KCNIP4: variants seen among roughly 807,000 people sequenced by gnomAD.
KCNIP4 encodes Kv channel-interacting protein 4.
KCNIP4 carries 12 observed loss-of-function variants against 34.0 expected under a neutral mutation model. The observed-to-expected ratio is 0.35, with a 90% CI of 0.23 to 0.57. The LOEUF is 0.57. Among genes scored for constraint, KCNIP4 ranks in the 20% least tolerant of loss-of-function variants. KCNIP4 has a pLI of 0.83. For synonymous variants in KCNIP4, 124 were observed against 102.2 expected (o/e 1.21, Z -1.29); for missense variants, 238 against 311.7 (o/e 0.76, Z 1.78).
In KCNIP4 at chr4:21,041,230, TCACACACACACA is replaced by T. The variant is rs57664737; in HGVS notation, c.62-158533_62-158522del. ...TGGCTCTCAGTGAATGATATATATT[TCACACACACACA>T]CACACACACACACACACACACACGC... On this transcript the variant is annotated intron_variant, in intron 1 of 8. Transcript: ENST00000382152. Among the ~76,000 whole-genome samples, 9 of 144,650 alleles carry T rather than the reference TCACACACACACA, an allele frequency of 6.2e-5. 1 individual carries two copies. In the South Asian group the frequency reaches 6.7e-4, roughly 11 times the overall value. The allele number at this position is 144,650 out of a possible 152,430, so 94.9% of individuals were successfully genotyped here.
At chr4:21,447,697 C>A (rs1728151219) in intron 1 of KCNIP4, among the ~76,000 whole-genome samples, 1 of 152,070 alleles carries the variant, frequency 6.6e-6, no homozygotes, top group Non-Finnish European at 1.5e-5. Flanking sequence ...ACACTGTAAT[C>A]AAATTTACAT....
At chr4:21,052,751 A>T (rs1053107847) in intron 1 of KCNIP4, among the ~76,000 whole-genome samples, 1 of 152,066 alleles carries the variant, frequency 6.6e-6, no homozygotes, top group Non-Finnish European at 1.5e-5. Context: ...GCTTAATAGG[A>T]TCATCTGTTG....
intron 1 of KCNIP4, among the ~76,000 whole-genome samples, chr4:21,518,842 A>C (rs1735003532): frequency 6.6e-6 from 1 of 152,090 alleles, no homozygotes; most frequent in Admixed American, 6.6e-5. Context: ...CATAGCCTGG[A>C]GCCCAACAGG....
At chr4:21,646,510 G>A (rs371869587) in intron 1 of KCNIP4, among the ~76,000 whole-genome samples, 8 of 152,262 alleles carry the variant, frequency 5.3e-5, no homozygotes, top group African/African-American at 1.9e-4. Context: ...CTATAGAATA[G>A]CGCTAAACCA....
At chr4:21,066,828 C>A (rs1577629493) in intron 1 of KCNIP4, among the ~76,000 whole-genome samples, 1 of 152,152 alleles carries the variant, frequency 6.6e-6, no homozygotes, top group Non-Finnish European at 1.5e-5. Flanking sequence ...ATGAGGACTG[C>A]AATCCCTGGG....
At chr4:21,879,187 T>A (rs1726315595) in intron 1 of KCNIP4, among the ~76,000 whole-genome samples, 2 of 152,130 alleles carry the variant, frequency 1.3e-5, no homozygotes, top group Admixed American at 1.3e-4. Context: ...TTAAAAAAAT[T>A]GCACACCCTC....
At chr4:21,873,608 T>G (rs956283834) in intron 1 of KCNIP4, among the ~76,000 whole-genome samples, 1 of 152,198 alleles carries the variant, frequency 6.6e-6, no homozygotes, top group Middle Eastern at 3.2e-3. Context: ...TTATTACTAT[T>G]GGACAAAATC....
intron 1 of KCNIP4, among the ~76,000 whole-genome samples, chr4:21,058,585 T>C (rs1480457807): frequency 6.6e-6 from 1 of 152,148 alleles, no homozygotes; most frequent in African/African-American, 2.4e-5. Context: ...TTAAATGATA[T>C]AATGCAGAGG....
intron 1 of KCNIP4, among the ~76,000 whole-genome samples, chr4:21,166,710 G>A (rs140412483): frequency 0.019 from 2,870 of 152,048 alleles, 55 homozygotes; most frequent in Non-Finnish European, 0.026. Context: ...AGGCCAAGGC[G>A]GGCGGATCAC....
chr4:20,849,995 A>T (rs1720829007), intron 3 of KCNIP4, among the ~76,000 whole-genome samples: 1 of 152,144 alleles, frequency 6.6e-6, no homozygotes, highest in African/African-American at 2.4e-5. Flanking sequence ...CTGGGCTCTC[A>T]TTCCCTTTTG....
intron 1 of KCNIP4, among the ~76,000 whole-genome samples, chr4:21,774,932 GA>G (rs1277341335): frequency 2.0e-5 from 3 of 152,110 alleles, no homozygotes; most frequent in Non-Finnish European, 4.4e-5. Flanking sequence ...CCCATCTTCT[GA>G]AGCCTACTTC....
chr4:21,901,779 G>T (rs1727716743), intron 1 of KCNIP4, among the ~76,000 whole-genome samples: 2 of 151,772 alleles, frequency 1.3e-5, no homozygotes, highest in African/African-American at 4.8e-5. Flanking sequence ...TCATACAAGG[G>T]GTCATTTGAA....
At chr4:20,808,050 T>C (rs1478581478) in intron 3 of KCNIP4, among the ~76,000 whole-genome samples, 6 of 152,120 alleles carry the variant, frequency 3.9e-5, no homozygotes, top group African/African-American at 1.4e-4. Flanking sequence ...TTAATCTGAC[T>C]CCATGCAAGG....
chr4:21,220,912 C>A (rs1228736990), intron 1 of KCNIP4, among the ~76,000 whole-genome samples: 1 of 152,006 alleles, frequency 6.6e-6, no homozygotes, highest in African/African-American at 2.4e-5. Context: ...AAATGTCTTT[C>A]AGAGATTCTG....
intron 1 of KCNIP4, among the ~76,000 whole-genome samples, chr4:21,757,166 AGAAGGAAG>A (rs1560691253): frequency 0.018 from 841 of 46,022 alleles, 17 homozygotes; most frequent in East Asian, 0.03. Context: ...AAAGAAAGAA[AGAAGGAAG>A]GAAGGAAGGA....
At chr4:21,359,361 T>C (rs1423968346) in intron 1 of KCNIP4, among the ~76,000 whole-genome samples, 3 of 152,086 alleles carry the variant, frequency 2.0e-5, no homozygotes, top group South Asian at 4.1e-4. Flanking sequence ...GTGGAACTTC[T>C]TAGCCTACAT....
chr4:21,471,839 G>C (rs1009644685), intron 1 of KCNIP4, among the ~76,000 whole-genome samples: 1 of 152,152 alleles, frequency 6.6e-6, no homozygotes, highest in Non-Finnish European at 1.5e-5. Flanking sequence ...TTTGGGGTCA[G>C]AAAATACATC....
At chr4:20,911,189 A>G (rs1728293930) in intron 1 of KCNIP4, among the ~76,000 whole-genome samples, 1 of 152,202 alleles carries the variant, frequency 6.6e-6, no homozygotes, top group Admixed American at 6.5e-5. Flanking sequence ...CCTGACTCTG[A>G]CAATTACAAA....
Position 21,178,471 on chromosome 4 carries a change from TCACAGAC to T in KCNIP4, c.62-295769_62-295763del, listed in dbSNP as rs1754599198. Among the ~76,000 whole-genome samples, 454 of 151,746 alleles carry T rather than the reference TCACAGAC, an allele frequency of 3.0e-3. 3 individuals carry two copies. Among genetic ancestry groups the T allele is most frequent in the African/African-American group, 0.01 (426 of 41,062 alleles). On this transcript the variant is annotated intron_variant, in intron 1 of 8. Coordinates refer to ENST00000382152, the MANE Select transcript of KCNIP4 (RefSeq NM_025221.6). Reference sequence around the variant, plus strand: ...TGGGGTTCACATGAAGGTAGTGGATTCACAGACCTCAGTTTATTTCCAGGTATAGTAA... The same window carrying T: ...TGGGGTTCACATGAAGGTAGTGGATTCTCAGTTTATTTCCAGGTATAGTAA...
Sources: allele counts gnomAD v4.1 joint callset (sites outside exome capture counted in the v4.1 genomes callset), GRCh38; gene constraint gnomAD v4.1.1; transcripts MANE v1.5; gene names NCBI Gene and HGNC (gene_info 2026-07-23, HGNC 2026-07-21).